Variants in MAP3K20 observed in about 807,000 individuals in gnomAD.
The protein encoded by MAP3K20 is HCCS-4.
In MAP3K20, 40 loss-of-function variants were observed where a neutral mutation model predicts 85.7. The observed-to-expected ratio is 0.47, with a 90% CI of 0.36 to 0.61. The LOEUF is 0.61. MAP3K20 is among the 20% of genes least tolerant of loss of function. MAP3K20 has a pLI of 0.00. For missense variants in MAP3K20, 817 were observed against 961.7 expected (o/e 0.85, Z 1.99); for synonymous variants, 325 against 327.7 (o/e 0.99, Z 0.09).
chr2:173,113,020 A>T (rs1574024987), intron 2 of MAP3K20, among the ~76,000 whole-genome samples: 1 of 152,118 alleles, frequency 6.6e-6, no homozygotes, highest in African/African-American at 2.4e-5. Context: ...GTCTGCTAGA[A>T]TTCTGCTGTG....
At chr2:173,264,036 T>G (rs2106359085) in intron 19 of MAP3K20, 141 bp downstream of exon 19, 1 of 1,202,726 alleles carries the variant, frequency 8.3e-7, no homozygotes, top group Non-Finnish European at 1.1e-6. Context: ...GAAAACCCAG[T>G]TGCAACTGGC....
intron 2 of MAP3K20, among the ~76,000 whole-genome samples, chr2:173,127,780 G>A (rs1688485945): frequency 6.6e-6 from 1 of 151,624 alleles, no homozygotes; most frequent in South Asian, 2.1e-4. Flanking sequence ...CATAATTCAT[G>A]CATATCAACC....
chr2:173,078,519 A>G (rs1363020435), intron 1 of MAP3K20, among the ~76,000 whole-genome samples: 4 of 152,176 alleles, frequency 2.6e-5, no homozygotes, highest in Admixed American at 1.3e-4. Context: ...CTGGTAAGGG[A>G]AGAGGACTAT....
intron 5 of MAP3K20, among the ~76,000 whole-genome samples, chr2:173,189,380 A>G (rs940239963): frequency 3.3e-5 from 5 of 152,188 alleles, no homozygotes; most frequent in African/African-American, 1.2e-4. Flanking sequence ...TTGATCATCT[A>G]TCATGTTCAA....
intron 1 of MAP3K20, among the ~76,000 whole-genome samples, chr2:173,089,644 A>G (rs1386285899): frequency 2.0e-5 from 3 of 151,386 alleles, no homozygotes; most frequent in Non-Finnish European, 2.9e-5. Context: ...GTGCAGTGGC[A>G]CTATCTCAGC....
chr2:173,234,638 A>G (rs779397417), intron 14 of MAP3K20, among the ~76,000 whole-genome samples: 5 of 152,238 alleles, frequency 3.3e-5, no homozygotes, highest in Non-Finnish European at 5.9e-5. Context: ...CTAGACAGAG[A>G]GAACAAAGAG....
At chr2:173,244,458 T>G (rs902150221) in intron 16 of MAP3K20, among the ~76,000 whole-genome samples, 15 of 152,212 alleles carry the variant, frequency 9.9e-5, no homozygotes, top group African/African-American at 3.6e-4. Context: ...CGTTAGCATT[T>G]GGGTGAGATG....
rs138666437 is a variant in MAP3K20, at chr2:173,186,085, G to A, written c.350-1473G>A. ...ATTATTTAAATGTATACTATGCATC[G>A]TACACTAATACTTTATGGTACTTTT... On this transcript the variant is annotated intron_variant, in intron 4 of 19. Transcript: ENST00000375213. Among the ~76,000 whole-genome samples the A allele has an allele frequency of 3.2e-3, 492 of 152,232 alleles. 2 individuals are homozygous for A. The highest frequency in any genetic ancestry group is 0.011 in the African/African-American group (466 of 41,542).
chr2:173,249,655 G>A (rs774262118), intron 16 of MAP3K20, among the ~76,000 whole-genome samples: 3 of 152,162 alleles, frequency 2.0e-5, no homozygotes, highest in Non-Finnish European at 2.9e-5. Flanking sequence ...TTAGGCAAGC[G>A]AGATCAACTT....
At chr2:173,247,054 C>CT (rs1413487101) in intron 16 of MAP3K20, among the ~76,000 whole-genome samples, 1 of 152,186 alleles carries the variant, frequency 6.6e-6, no homozygotes, top group African/African-American at 2.4e-5. Flanking sequence ...CAATAGAGGA[C>CT]TTTCCTGCCC....
intron 2 of MAP3K20, among the ~76,000 whole-genome samples, chr2:173,125,887 C>A (rs1291145513): frequency 6.6e-6 from 1 of 152,100 alleles, no homozygotes; most frequent in African/African-American, 2.4e-5. Flanking sequence ...TGGTCTCGAT[C>A]TCCTGACCTC....
At chr2:173,103,068 G>T (rs945239771) in intron 2 of MAP3K20, among the ~76,000 whole-genome samples, 7 of 151,936 alleles carry the variant, frequency 4.6e-5, no homozygotes, top group African/African-American at 1.4e-4. Flanking sequence ...AGAAAAAAAA[G>T]AAAAGAAAAA....
At chr2:173,202,416 T>TTAAG (rs1691098564) in intron 8 of MAP3K20, among the ~76,000 whole-genome samples, 1 of 152,220 alleles carries the variant, frequency 6.6e-6, no homozygotes, top group African/African-American at 2.4e-5. Flanking sequence ...AAGTTCAGTT[T>TTAAG]TAAGTTTTTT....
chr2:173,090,818 G>A (rs1010313363), intron 1 of MAP3K20, 180 bp from the exon 2 acceptor site: 23 of 1,234,760 alleles, frequency 1.9e-5, no homozygotes, highest in Admixed American at 4.1e-5. Context: ...TGAATTTTGC[G>A]TGGGCTGCCA....
At chr2:173,179,741 A>C (rs901443193) in intron 3 of MAP3K20, among the ~76,000 whole-genome samples, 9 of 126,682 alleles carry the variant, frequency 7.1e-5, no homozygotes, top group Non-Finnish European at 1.1e-4. Flanking sequence ...CACACACACA[A>C]AAGCTACTAA....
rs1160249412 is a variant in MAP3K20 at position 173,134,407 on chromosome 2, TATATATATATATATATA to T, written c.160-35397_160-35381del. Among the ~76,000 whole-genome samples the T allele has an allele frequency of 3.3e-3, 34 of 10,460 alleles. 4 individuals carry two copies. The highest frequency in any genetic ancestry group is 5.9e-3 in the Admixed American group (6 of 1,012). The allele number at this position is 10,460 out of a possible 152,430, so 6.9% of individuals were successfully genotyped here. A position where few individuals can be genotyped will look rare whatever the true frequency, so the allele number is the denominator to read the frequency against. On this transcript the variant is annotated intron_variant, in intron 2 of 19. Transcript: ENST00000375213. ...GTGTCTCTATACATATATATATATA[TATATATATATATATATA>T]TATATTTTTTTTTTTTTTTTTTTGC...
intron 16 of MAP3K20, among the ~76,000 whole-genome samples, chr2:173,251,513 A>G (rs542642519): frequency 6.6e-6 from 1 of 152,336 alleles, no homozygotes; most frequent in Non-Finnish European, 1.5e-5. Context: ...GGCTGCGAGG[A>G]TTAATTAACA....
intron 7 of MAP3K20, among the ~76,000 whole-genome samples, chr2:173,193,508 C>T (rs138660844): frequency 1.3e-5 from 2 of 152,250 alleles, no homozygotes; most frequent in African/African-American, 4.8e-5. Flanking sequence ...GTGTGAAATG[C>T]CCCCCTCTGC....
At chr2:173,115,323 G>A (rs1310721284) in intron 2 of MAP3K20, among the ~76,000 whole-genome samples, 1 of 152,208 alleles carries the variant, frequency 6.6e-6, no homozygotes, top group Non-Finnish European at 1.5e-5. Context: ...TTGTATCATA[G>A]TTTGGACTTC....
Sources: gnomAD v4.1 joint callset for allele counts (sites outside exome capture counted in the v4.1 genomes callset) on GRCh38, gnomAD v4.1.1 for gene constraint, MANE v1.5 for transcripts, NCBI Gene and HGNC (gene_info 2026-07-23, HGNC 2026-07-21) for gene names.